The following MCMBP variants were observed in gnomAD, a reference collection of about 807,000 sequenced individuals.
MCMBP encodes the protein minichromosome maintenance complex binding protein, also known as mini-chromosome maintenance complex-binding protein.
Under a neutral mutation model 81.3 loss-of-function variants are expected in MCMBP, and 31 were observed. The ratio of observed to expected loss-of-function variants is 0.38; its 90% CI spans 0.29 to 0.51. MCMBP has a LOEUF of 0.51. Ranked by LOEUF, MCMBP falls within the 20% of genes least tolerant of loss-of-function variation. The probability of loss-of-function intolerance (pLI) is 0.87; values close to 1 mark genes in which losing one functional copy is unlikely to be tolerated. For missense variants in MCMBP, 645 were observed against 772.1 expected, an observed-to-expected ratio of 0.84 and a Z score of 1.95; for synonymous variants, 267 against 275.9, an observed-to-expected ratio of 0.97 and a Z score of 0.32.
chr10:119,863,501 G>T (rs1406946778), intron 1 of MCMBP, among the ~76,000 whole-genome samples: 1 of 151,718 alleles, frequency 6.6e-6, no homozygotes, highest in East Asian at 1.9e-4. Flanking sequence ...GGAGGCCGAG[G>T]CGGGCGGATC....
In MCMBP at chr10:119,849,545, C is replaced by T. The variant is rs1852734428; in HGVS notation, c.606G>A (p.Glu202=). ...AAGCTTCAGTTTCTAAACGTTTTGG[C>T]TCTCCACACCATTGAAGACCACCAA... ...GSVGGLQWCG[E]PKRLETEAST... The change falls in exon 7 of 16, where the codon GAG becomes GAA. Residue 202 remains glutamate (E), a synonymous_variant. Coordinates refer to ENST00000369077, the MANE Select transcript of MCMBP (RefSeq NM_001256378.2). 1.2e-6 allele frequency: 2 copies of T among 1,604,836 alleles called. No homozygotes were observed. The highest frequency in any genetic ancestry group is 1.3e-5 in the African/African-American group (1 of 74,074).
chr10:119,872,351 T>G (rs1444092730), intron 1 of MCMBP, among the ~76,000 whole-genome samples, 176 bp downstream of exon 1: 1 of 151,896 alleles, frequency 6.6e-6, no homozygotes, highest in Admixed American at 6.5e-5. Context: ...TGCCCCTGCC[T>G]GCTGCGACCG....
In MCMBP at chr10:119,859,096, T is replaced by A; in HGVS notation, c.230A>T (p.Asp77Val). 6.2e-7 allele frequency: 1 copy of A among 1,613,906 alleles called. No individual in the cohort carries two copies. The highest frequency in any genetic ancestry group is 8.5e-7 in the Non-Finnish European group (1 of 1,179,920). The change falls in exon 3 of 16, where the codon GAC (aspartate) becomes GTC (valine). Residue 77 changes from aspartate to valine, a missense_variant. Physicochemically the swap from Asp to Val is radical, Grantham distance 152 (BLOSUM62 -3). Transcript: ENST00000369077. ...ATAAACTCCCATGTAAAACTCAGGG[T>A]CAAACATATCCTGAATCATGCAACG... ...KFRCMIQDMF[D>V]PEFYMGVYET...
In MCMBP at chr10:119,840,934, A is replaced by C. The variant is rs1259522040; in HGVS notation, c.1151T>G (p.Leu384Arg). Residue 384 changes from leucine to arginine, a missense_variant, in exon 11 of 16, where the codon CTA becomes CGA. Coordinates refer to ENST00000369077, the MANE Select transcript of MCMBP (RefSeq NM_001256378.2). ...ACTCAAGTTAACTGTAAATTTTCCT[A>C]GTGGAAGGACATCTCTTCTTGTATA... ...TVYTRRDVLP[L>R]GKFTVNLSGC... 6.2e-7 allele frequency: 1 copy of C among 1,608,730 alleles called. No individual in the cohort carries two copies. The highest frequency in any genetic ancestry group is 8.5e-7 in the Non-Finnish European group (1 of 1,176,624).
At chr10:119,864,059 G>A (rs1378045536) in intron 1 of MCMBP, among the ~76,000 whole-genome samples, 4 of 152,094 alleles carry the variant, frequency 2.6e-5, no homozygotes, top group Non-Finnish European at 4.4e-5. Context: ...GTCCTTAAAT[G>A]TGGAAGGATG....
rs199759464 is a variant in MCMBP at position 119,836,757 on chromosome 10, GTTTTTTTTTTTTT to G, written c.1542+126_1542+138del. On this transcript the variant is annotated intron_variant, in intron 13 of 15. Coordinates refer to ENST00000369077, the MANE Select transcript of MCMBP (RefSeq NM_001256378.2). ...ATTCCCTTAATGATCAGCAGTCACAGTTTTTTTTTTTTTTTTTTTTTTTTTTTTTTTTTTTTTA... is the reference window on the plus strand; with the variant it reads ...ATTCCCTTAATGATCAGCAGTCACAGTTTTTTTTTTTTTTTTTTTTTTTTA... 2,029 of 296,702 alleles carry G rather than the reference GTTTTTTTTTTTTT, an allele frequency of 6.8e-3. 61 individuals carry two copies. Among genetic ancestry groups the G allele is most frequent in the African/African-American group, 0.037 (1,134 of 30,928 alleles). 18.4% of individuals were successfully genotyped at this position (296,702 alleles called of 1,614,324 possible).
chr10:119,872,491 TGCCCGCCC>T, intron 1 of MCMBP, 28 bp downstream of exon 1: 1 of 1,144,752 alleles, frequency 8.7e-7, no homozygotes, highest in Non-Finnish European at 1.1e-6. Flanking sequence ...CAAACTCGGC[TGCCCGCCC>T]GGCCCGCCCC....
chr10:119,861,826 A>C (rs1360877548), intron 1 of MCMBP, among the ~76,000 whole-genome samples: 1 of 152,034 alleles, frequency 6.6e-6, no homozygotes, highest in African/African-American at 2.4e-5. Flanking sequence ...CTGCAACCTT[A>C]ATTTCCTGGG....
intron 1 of MCMBP, 56 bp downstream of exon 1, chr10:119,872,471 C>A: frequency 9.2e-7 from 1 of 1,091,292 alleles, no homozygotes; most frequent in Non-Finnish European, 1.1e-6. Context: ...GGCCCTGCCC[C>A]GGGGCCCGGC....
At chr10:119,839,807 C>T (rs927985689) in intron 11 of MCMBP, among the ~76,000 whole-genome samples, 2 of 152,206 alleles carry the variant, frequency 1.3e-5, no homozygotes, top group Admixed American at 6.5e-5. Flanking sequence ...AAGACCACCA[C>T]CCAGTTATCT....
chr10:119,859,678 T>C, intron 2 of MCMBP, 121 bp downstream of exon 2: 2 of 636,788 alleles, frequency 3.1e-6, no homozygotes, highest in Non-Finnish European at 2.6e-6. Flanking sequence ...ACAAATGTAC[T>C]TGAAGCAGAA....
At chr10:119,865,844 G>A (rs1853432191) in intron 1 of MCMBP, among the ~76,000 whole-genome samples, 1 of 152,156 alleles carries the variant, frequency 6.6e-6, no homozygotes, top group Admixed American at 6.5e-5. Context: ...GGGAGGCCGA[G>A]GCGGGAGGGT....
intron 6 of MCMBP, among the ~76,000 whole-genome samples, chr10:119,850,435 G>T (rs999611820): frequency 6.6e-6 from 1 of 152,104 alleles, no homozygotes; most frequent in Non-Finnish European, 1.5e-5. Context: ...GTGGTCACAT[G>T]AATCTACCTA....
intron 1 of MCMBP, among the ~76,000 whole-genome samples, chr10:119,869,161 C>A (rs1031016937): frequency 1.3e-5 from 2 of 152,184 alleles, no homozygotes; most frequent in African/African-American, 4.8e-5. Context: ...AGATGAGGGT[C>A]TGGGTCGGGC....
intron 1 of MCMBP, among the ~76,000 whole-genome samples, chr10:119,860,929 C>T (rs907036481): frequency 6.6e-6 from 1 of 152,220 alleles, no homozygotes; most frequent in East Asian, 1.9e-4. Flanking sequence ...CCCAAAGTGA[C>T]AGCCAATTAC....
chr10:119,859,128 C>T lies in MCMBP; in HGVS notation c.198G>A (p.Val66=), dbSNP rs766314703. ...TATCCTGAATCATGCAACGAAATTTCACAAAACTATTAGGTTTCAAATAAT... is the reference window on the plus strand; with the variant it reads ...TATCCTGAATCATGCAACGAAATTTTACAAAACTATTAGGTTTCAAATAAT... ...PLHYLKPNSF[V]KFRCMIQDMF... is the part of the protein sequence containing the mutation. Residue 66 remains valine, a synonymous_variant, in exon 3 of 16, where the codon GTG becomes GTA. Transcript: ENST00000369077. The T allele has an allele frequency of 6.2e-6, 10 of 1,613,964 alleles. No homozygotes were observed. Among genetic ancestry groups the T allele is most frequent in the Non-Finnish European group, 7.6e-6 (9 of 1,179,920 alleles).
chr10:119,852,965 G>A (rs969529903), intron 6 of MCMBP, 85 bp downstream of exon 6: 1 of 1,498,874 alleles, frequency 6.7e-7, no homozygotes, highest in Non-Finnish European at 9.2e-7. Context: ...CCTAAATATA[G>A]AGCTATATTA....
chr10:119,832,121 T>C, intron 14 of MCMBP, 21 bp from the exon 15 acceptor site: 1 of 1,599,494 alleles, frequency 6.3e-7, no homozygotes, highest in Non-Finnish European at 8.5e-7. Flanking sequence ...AGAGTAAATG[T>C]AAATGATGTG....
intron 1 of MCMBP, among the ~76,000 whole-genome samples, chr10:119,866,734 T>A (rs1000007053): frequency 2.6e-5 from 4 of 152,216 alleles, no homozygotes; most frequent in African/African-American, 9.6e-5. Context: ...GTTATGTGAA[T>A]TTTATTTCAA....
Sources: allele counts gnomAD v4.1 joint callset (sites outside exome capture counted in the v4.1 genomes callset), GRCh38; gene constraint gnomAD v4.1.1; transcripts MANE v1.5; gene names NCBI Gene and HGNC (gene_info 2026-07-23, HGNC 2026-07-21).